METTL9: variants seen among roughly 807,000 people sequenced by gnomAD.
METTL9 encodes methyltransferase 9, His-X-His N1(pi)-histidine.
Under a neutral mutation model 36.0 loss-of-function variants are expected in METTL9, and 10 were observed. The observed-to-expected ratio is 0.28, with a 90% CI of 0.17 to 0.47. The LOEUF (loss-of-function observed/expected upper bound fraction) is 0.47. Among genes scored for constraint, METTL9 ranks in the 20% least tolerant of loss-of-function variants. The probability of loss-of-function intolerance (pLI) is 0.99; values close to 1 mark genes in which losing one functional copy is unlikely to be tolerated. For synonymous variants in METTL9, 175 were observed against 149.7 expected (o/e 1.17, Z -1.23); for missense variants, 246 against 383.5 (o/e 0.64, Z 3.00).
At chr16:21,625,196 A>G in intron 4 of METTL9, 81 bp downstream of exon 4, 1 of 1,468,766 alleles carries the variant, frequency 6.8e-7, no homozygotes, top group Non-Finnish European at 9.5e-7. Context: ...GTACAATTAA[A>G]TATTGTCTAG....
At chr16:21,640,842 T>C (rs1966243773) in intron 4 of METTL9, 1 of 151,776 alleles carries the variant, frequency 6.6e-6, no homozygotes, top group Admixed American at 6.6e-5. Flanking sequence ...TGCCCACATC[T>C]TCCCTGGTGC....
intron 4 of METTL9, chr16:21,642,991 T>C: frequency 2.3e-6 from 2 of 860,032 alleles, no homozygotes; most frequent in Non-Finnish European, 3.8e-6. Context: ...AAAACATGGT[T>C]CTTGACAGCT....
rs963364759 is a variant in METTL9 at position 21,637,520 on chromosome 16, G to A, written c.751+12405G>A. On this transcript the variant is annotated intron_variant, in intron 4 of 4. Coordinates refer to ENST00000358154, the MANE Select transcript of METTL9 (RefSeq NM_016025.5). The stretch of plus-strand genomic sequence containing the variant: ...AGAAAAGTTCTCCAGGTCCCCACCC[G>A]ACTCAGAAGCCCAGCCAGCTTCACC... 7.2e-5 allele frequency among the ~76,000 whole-genome samples: 11 copies of A among 152,312 alleles called. No homozygotes were observed. The East Asian group carries it at 1.2e-3, about 16-fold the overall frequency.
At chr16:21,622,141 C>CTTTTGTTT (rs1965715367) in intron 3 of METTL9, among the ~76,000 whole-genome samples, 1 of 34,922 alleles carries the variant, frequency 2.9e-5, no homozygotes, top group Non-Finnish European at 4.6e-5. Flanking sequence ...CATGCCTGGC[C>CTTTTGTTT]TTTTTTTTTT....
intron 3 of METTL9, among the ~76,000 whole-genome samples, chr16:21,622,162 TGAGACAGG>T (rs1965720176): frequency 9.6e-5 from 13 of 135,966 alleles, no homozygotes; most frequent in Admixed American, 1.5e-4. Flanking sequence ...TTTTTTTTTT[TGAGACAGG>T]ATCTTGCTTT....
At chr16:21,610,388 T>G (rs1047887854) in intron 1 of METTL9, among the ~76,000 whole-genome samples, 2 of 152,232 alleles carry the variant, frequency 1.3e-5, no homozygotes, top group Admixed American at 1.3e-4. Flanking sequence ...CACATCTTGC[T>G]TATCCACCAT....
chr16:21,640,002 G>A (rs2141607234), intron 4 of METTL9: 1 of 152,154 alleles, frequency 6.6e-6, no homozygotes, highest in South Asian at 2.1e-4. Context: ...GCAGTGGCGT[G>A]ATCTCAGCTC....
intron 1 of METTL9, among the ~76,000 whole-genome samples, chr16:21,611,109 A>G (rs773053011): frequency 3.3e-5 from 5 of 152,220 alleles, no homozygotes; most frequent in Admixed American, 6.5e-5. Flanking sequence ...TAGGAAAAAT[A>G]AAAACAGTTT....
intron 4 of METTL9, among the ~76,000 whole-genome samples, chr16:21,631,776 GACA>G (rs1298263436): frequency 1.3e-5 from 2 of 152,186 alleles, no homozygotes; most frequent in East Asian, 1.9e-4. Flanking sequence ...TGTTTACACT[GACA>G]ACAAGGTGGT....
At chr16:21,650,528 A>G (rs1027179836) in intron 4 of METTL9, among the ~76,000 whole-genome samples, 3 of 150,876 alleles carry the variant, frequency 2.0e-5, no homozygotes, top group African/African-American at 4.9e-5. Flanking sequence ...AAAAAAAAAA[A>G]TAGAGGTTGG....
chr16:21,615,626 C>T (rs1310055387), intron 2 of METTL9, among the ~76,000 whole-genome samples: 5 of 152,224 alleles, frequency 3.3e-5, no homozygotes, highest in Non-Finnish European at 5.9e-5. Flanking sequence ...TGTCAAGATT[C>T]CTCACATCCC....
intron 4 of METTL9, among the ~76,000 whole-genome samples, chr16:21,638,477 G>T (rs1026532686): frequency 6.6e-6 from 1 of 152,124 alleles, no homozygotes; most frequent in African/African-American, 2.4e-5. Flanking sequence ...AATGCTGAAG[G>T]AACATTTTTC....
intron 1 of METTL9, among the ~76,000 whole-genome samples, chr16:21,604,221 C>G (rs1260451289): frequency 6.6e-6 from 1 of 152,180 alleles, no homozygotes; most frequent in Admixed American, 6.5e-5. Context: ...GAAAGGATTT[C>G]TTTGCTTCCT....
chr16:21,612,930 T>C (rs1965461513), intron 2 of METTL9, 95 bp downstream of exon 2: 1 of 1,078,324 alleles, frequency 9.3e-7, no homozygotes, highest in African/African-American at 1.6e-5. Flanking sequence ...GCATGTTGAC[T>C]ACCTGAGCTA....
At position 21,631,648 on chromosome 16, in the gene METTL9, T is replaced by C. The variant is rs117152208; in HGVS notation, c.751+6533T>C. ...GAAGGGAGTTCCTCCTATGTCTGAT[T>C]GGACCTTTGTATGGTGATTAAGATT... On this transcript the variant is annotated intron_variant, in intron 4 of 4. Transcript: ENST00000358154. Among the ~76,000 whole-genome samples the C allele has an allele frequency of 8.9e-3, 1,353 of 152,304 alleles. 48 individuals are homozygous for C. The highest frequency in any genetic ancestry group is 0.083 in the East Asian group (430 of 5,180).
In METTL9 at chr16:21,624,912, T is replaced by C. The variant is rs1296637320; in HGVS notation, c.567-19T>C. ...TTAGAGGGACTTTATGTTAATACAG[T>C]TATTTCTGATTTTTCTAGAGTCCTT... On this transcript the variant is annotated intron_variant, in intron 3 of 4. Transcript: ENST00000358154. 6.2e-7 allele frequency: 1 copy of C among 1,609,702 alleles called. No individual in the cohort carries two copies. The highest frequency in any genetic ancestry group is 1.3e-5 in the African/African-American group (1 of 74,796).
At chr16:21,641,436 C>A in intron 4 of METTL9, 1 of 583,748 alleles carries the variant, frequency 1.7e-6, no homozygotes, top group Non-Finnish European at 2.9e-6. Context: ...TTCAGTTTAC[C>A]TTTATTTTTT....
chr16:21,641,600 T>C, intron 4 of METTL9: 1 of 1,545,008 alleles, frequency 6.5e-7, no homozygotes, highest in Non-Finnish European at 8.9e-7. Flanking sequence ...TCTCCTGCAA[T>C]AATAAATAAA....
chr16:21,642,682 G>T (rs1966303835), intron 4 of METTL9, among the ~76,000 whole-genome samples: 1 of 152,008 alleles, frequency 6.6e-6, no homozygotes, highest in Non-Finnish European at 1.5e-5. Flanking sequence ...TGCCTTATAA[G>T]TAACAAGTAA....
Sources: allele counts gnomAD v4.1 joint callset (sites outside exome capture counted in the v4.1 genomes callset), GRCh38; gene constraint gnomAD v4.1.1; transcripts MANE v1.5; gene names NCBI Gene and HGNC (gene_info 2026-07-23, HGNC 2026-07-21).